The following WWOX variants were observed in gnomAD, a reference collection of about 807,000 sequenced individuals.
WWOX encodes WW domain-containing oxidoreductase.
Under a neutral mutation model 46.2 loss-of-function variants are expected in WWOX, and 69 were observed. The observed-to-expected ratio is 1.49, with a 90% CI of 1.23 to 1.82. The LOEUF (loss-of-function observed/expected upper bound fraction) is 1.82, where lower values mean the gene tolerates loss of function less well. WWOX is among the 40% of genes most tolerant of loss of function. WWOX has a pLI of 0.00. For synonymous variants in WWOX, 359 were observed against 202.6 expected, an observed-to-expected ratio of 1.77 and a Z score of -6.56; for missense variants, 919 against 542.6, an observed-to-expected ratio of 1.69 and a Z score of -6.89.
intron 8 of WWOX, among the ~76,000 whole-genome samples, chr16:78,858,268 C>T (rs1189557716): frequency 1.4e-5 from 2 of 147,184 alleles, no homozygotes; most frequent in Non-Finnish European, 3.0e-5. Context: ...GGCGATTTAT[C>T]AGATTTCAGT....
rs989167375 is a variant in WWOX, at chr16:79,014,724, C to A, written c.1057-196884C>A. 1.3e-5 allele frequency among the ~76,000 whole-genome samples: 2 copies of A among 152,218 alleles called. 1 individual carries two copies. The highest frequency in any genetic ancestry group is 2.9e-5 in the Non-Finnish European group (2 of 68,038). On this transcript the variant is annotated intron_variant, in intron 8 of 8. Coordinates refer to ENST00000566780, the MANE Select transcript of WWOX (RefSeq NM_016373.4). ...AAGAACCAAGGCATAGAAATTGAGTCACTTTCTGGAGTGTACACAACTAGT... is the reference window on the plus strand; with the variant it reads ...AAGAACCAAGGCATAGAAATTGAGTAACTTTCTGGAGTGTACACAACTAGT...
At chr16:78,822,099 C>G (rs894218091) in intron 8 of WWOX, among the ~76,000 whole-genome samples, 2 of 152,188 alleles carry the variant, frequency 1.3e-5, no homozygotes, top group African/African-American at 4.8e-5. Context: ...CTGACCTAAA[C>G]TCCTGGCTAC....
At chr16:78,520,966 C>A (rs2043336777) in intron 8 of WWOX, among the ~76,000 whole-genome samples, 1 of 152,102 alleles carries the variant, frequency 6.6e-6, no homozygotes, top group Non-Finnish European at 1.5e-5. Context: ...GGGTGCTGGT[C>A]ACCAGGGCGA....
At chr16:79,125,114 C>T (rs1452595112) in intron 8 of WWOX, among the ~76,000 whole-genome samples, 1 of 151,602 alleles carries the variant, frequency 6.6e-6, no homozygotes, top group South Asian at 2.1e-4. Context: ...GACTGCCCAT[C>T]CCTCTATCCA....
intron 8 of WWOX, among the ~76,000 whole-genome samples, chr16:78,995,644 G>A (rs981184581): frequency 1.3e-5 from 2 of 152,178 alleles, no homozygotes; most frequent in Non-Finnish European, 2.9e-5. Context: ...TTATGTGGTT[G>A]ATGGGGACAG....
chr16:79,191,684 C>A (rs1205484836), intron 8 of WWOX, among the ~76,000 whole-genome samples: 1 of 152,118 alleles, frequency 6.6e-6, no homozygotes, highest in Non-Finnish European at 1.5e-5. Flanking sequence ...CCAAATAGGC[C>A]ATGATAAAGA....
intron 6 of WWOX, among the ~76,000 whole-genome samples, chr16:78,417,505 G>A (rs1417904473): frequency 1.3e-5 from 2 of 152,046 alleles, no homozygotes; most frequent in East Asian, 1.9e-4. Context: ...CCCATAGTTA[G>A]TACTCAAAAA....
intron 8 of WWOX, among the ~76,000 whole-genome samples, chr16:78,838,620 T>G (rs2052054390): frequency 6.6e-6 from 1 of 152,018 alleles, no homozygotes; most frequent in South Asian, 2.1e-4. Flanking sequence ...GGCAGATGGG[T>G]CACCTGAGGT....
intron 8 of WWOX, among the ~76,000 whole-genome samples, chr16:78,852,116 T>G (rs2052458477): frequency 6.6e-6 from 1 of 152,208 alleles, no homozygotes; most frequent in Admixed American, 6.5e-5. Context: ...GGTCATTTTG[T>G]TGTTGAAATG....
chr16:78,843,787 A>T (rs183203176), intron 8 of WWOX, among the ~76,000 whole-genome samples: 21 of 152,320 alleles, frequency 1.4e-4, no homozygotes, highest in African/African-American at 5.1e-4. Flanking sequence ...GCAATTTATT[A>T]TGTTTTTTAA....
chr16:78,957,818 C>T (rs1328824844), intron 8 of WWOX, among the ~76,000 whole-genome samples: 4 of 152,304 alleles, frequency 2.6e-5, no homozygotes, highest in Non-Finnish European at 4.4e-5. Context: ...GCTGTCCCTG[C>T]GCTGGTGCGG....
At chr16:78,126,816 T>A (rs765578612) in intron 4 of WWOX, among the ~76,000 whole-genome samples, 1 of 152,204 alleles carries the variant, frequency 6.6e-6, no homozygotes, top group Non-Finnish European at 1.5e-5. Context: ...CTTGTCTGGC[T>A]TTGCAATGGT....
chr16:78,351,320 C>A (rs2081179733), intron 5 of WWOX, among the ~76,000 whole-genome samples: 1 of 152,128 alleles, frequency 6.6e-6, no homozygotes, highest in African/African-American at 2.4e-5. Context: ...ACAAGAGTTT[C>A]AGAATAATAA....
At chr16:78,991,889 C>G (rs1286703427) in intron 8 of WWOX, among the ~76,000 whole-genome samples, 1 of 152,138 alleles carries the variant, frequency 6.6e-6, no homozygotes, top group Non-Finnish European at 1.5e-5. Context: ...GCGATCACCT[C>G]CATAAATGTT....
intron 5 of WWOX, among the ~76,000 whole-genome samples, chr16:78,218,366 C>A (rs2036788657): frequency 6.6e-6 from 1 of 152,028 alleles, no homozygotes. Context: ...GGATTACAAG[C>A]CTGAGCCACC....
intron 8 of WWOX, among the ~76,000 whole-genome samples, chr16:78,912,093 C>T (rs1188413385): frequency 6.6e-6 from 1 of 151,120 alleles, no homozygotes; most frequent in Non-Finnish European, 1.5e-5. Flanking sequence ...TTTCTTTGGA[C>T]AGGTTTTCCA....
chr16:78,998,906 C>T (rs1007970133), intron 8 of WWOX, among the ~76,000 whole-genome samples: 2 of 152,156 alleles, frequency 1.3e-5, no homozygotes, highest in African/African-American at 2.4e-5. Context: ...TTTGTTATTG[C>T]CTATGCATGT....
At chr16:78,993,118 G>A (rs186970108) in intron 8 of WWOX, among the ~76,000 whole-genome samples, 151 of 152,160 alleles carry the variant, frequency 9.9e-4, no homozygotes, top group Non-Finnish European at 1.8e-3. Flanking sequence ...TGTGATGTGT[G>A]TTTAAATTAC....
intron 8 of WWOX, among the ~76,000 whole-genome samples, chr16:78,992,619 A>T (rs1257105109): frequency 6.6e-6 from 1 of 152,158 alleles, no homozygotes; most frequent in African/African-American, 2.4e-5. Flanking sequence ...CCAGCTCCCC[A>T]TCCCTTCCCA....
Sources: allele counts gnomAD v4.1 joint callset (sites outside exome capture counted in the v4.1 genomes callset), GRCh38; gene constraint gnomAD v4.1.1; transcripts MANE v1.5; gene names NCBI Gene and HGNC (gene_info 2026-07-23, HGNC 2026-07-21).